NR3C2: variants seen among roughly 807,000 people sequenced by gnomAD.
The protein encoded by NR3C2 is nuclear receptor subfamily 3 group C member 2.
Under a neutral mutation model 86.4 loss-of-function variants are expected in NR3C2, and 15 were observed. The ratio of observed to expected loss-of-function variants is 0.17; its 90% CI spans 0.12 to 0.27. The LOEUF (loss-of-function observed/expected upper bound fraction) is 0.27. Among genes scored for constraint, NR3C2 ranks in the 10% least tolerant of loss-of-function variants. The pLI, the probability that NR3C2 is intolerant of heterozygous loss-of-function variation, is 1.00. For missense variants in NR3C2, 960 were observed against 1,195.6 expected, an observed-to-expected ratio of 0.80 and a Z score of 2.91; for synonymous variants, 458 against 450.5, an observed-to-expected ratio of 1.02 and a Z score of -0.21.
intron 2 of NR3C2, among the ~76,000 whole-genome samples, chr4:148,407,642 C>T (rs553630310): frequency 1.3e-5 from 2 of 151,744 alleles, no homozygotes; most frequent in East Asian, 2.0e-4. Context: ...AGCATACGCA[C>T]ATAATGAATC....
chr4:148,294,350 A>G (rs1033924058), intron 2 of NR3C2, among the ~76,000 whole-genome samples: 4 of 152,186 alleles, frequency 2.6e-5, no homozygotes, highest in African/African-American at 9.6e-5. Context: ...CAAGTACTAC[A>G]TGGTAGTTCC....
intron 8 of NR3C2, among the ~76,000 whole-genome samples, chr4:148,105,363 C>G (rs1461668490): frequency 6.6e-6 from 1 of 152,160 alleles, no homozygotes; most frequent in African/African-American, 2.4e-5. Context: ...ATAACTAGTT[C>G]TGAAATTGAG....
intron 2 of NR3C2, among the ~76,000 whole-genome samples, chr4:148,371,091 T>C (rs1746393805): frequency 6.6e-6 from 1 of 152,194 alleles, no homozygotes; most frequent in Admixed American, 6.5e-5. Context: ...TTATGGGTTA[T>C]ACGAGTTACT....
intron 2 of NR3C2, among the ~76,000 whole-genome samples, chr4:148,389,837 T>C (rs1747450892): frequency 6.6e-6 from 1 of 151,956 alleles, no homozygotes; most frequent in Admixed American, 6.6e-5. Flanking sequence ...GACAAAAATA[T>C]TAATACTAAA....
intron 3 of NR3C2, among the ~76,000 whole-genome samples, chr4:148,239,186 G>C: frequency 6.6e-6 from 1 of 152,112 alleles, no homozygotes; most frequent in South Asian, 2.1e-4. Context: ...GTGAATGCTG[G>C]GTGGGCTCAT....
chr4:148,159,988 T>TATATGTGTGTGTGC (rs1298572159), intron 4 of NR3C2, among the ~76,000 whole-genome samples: 13 of 152,186 alleles, frequency 8.5e-5, no homozygotes, highest in Non-Finnish European at 1.6e-4. Flanking sequence ...GCTGTGTGTG[T>TATATGTGTGTGTGC]ATCTGTGTGT....
intron 3 of NR3C2, among the ~76,000 whole-genome samples, chr4:148,254,526 C>T (rs531107846): frequency 6.6e-6 from 1 of 152,194 alleles, no homozygotes; most frequent in African/African-American, 2.4e-5. Flanking sequence ...GTTCCCATAA[C>T]AACCAACTGA....
chr4:148,286,228 A>G (rs1035318251), intron 2 of NR3C2, among the ~76,000 whole-genome samples: 2 of 152,244 alleles, frequency 1.3e-5, no homozygotes, highest in African/African-American at 4.8e-5. Context: ...CCCACTGATA[A>G]GAGTAACAGA....
intron 2 of NR3C2, among the ~76,000 whole-genome samples, chr4:148,292,160 C>G (rs1741827738): frequency 1.3e-5 from 2 of 151,018 alleles, no homozygotes; most frequent in Middle Eastern, 3.4e-3. Flanking sequence ...CCTATTATGT[C>G]TTTTTTTTAT....
At chr4:148,271,677 G>A (rs999678790) in intron 2 of NR3C2, among the ~76,000 whole-genome samples, 3 of 151,716 alleles carry the variant, frequency 2.0e-5, no homozygotes, top group Non-Finnish European at 4.4e-5. Flanking sequence ...CCACCTGCCC[G>A]CATCCTCCTC....
In NR3C2 at chr4:148,435,196, A is replaced by C. The variant is rs758186777; in HGVS notation, c.1665T>G (p.Thr555=). ...CGTGTGATTTCCATGACTCCACTAA[A>C]GTATTGACAGGAGGAAAGGAACTCA... ...QHLSSFPPVN[T]LVESWKSHGD... The change falls in exon 2 of 9, where the codon ACT becomes ACG. Residue 555 remains threonine (T), a synonymous_variant. Coordinates refer to ENST00000358102, the MANE Select transcript of NR3C2 (RefSeq NM_000901.5). 3 of 1,614,074 alleles carry C rather than the reference A, an allele frequency of 1.9e-6. No homozygotes were observed. Among genetic ancestry groups the C allele is most frequent in the Non-Finnish European group, 2.5e-6 (3 of 1,180,032 alleles).
rs56260605 is a variant in NR3C2, at chr4:148,183,896, T to C, written c.2014+10850A>G. Reference sequence around the variant, plus strand: ...CCTAATAATTTCTTACTATTATTGCTAAACCAGTAATGCTCCATGGCCCCA... The same window carrying C: ...CCTAATAATTTCTTACTATTATTGCCAAACCAGTAATGCTCCATGGCCCCA... On this transcript the variant is annotated intron_variant, in intron 4 of 8. Transcript: ENST00000358102. 6.4e-3 allele frequency among the ~76,000 whole-genome samples: 978 copies of C among 152,252 alleles called. 11 individuals carry two copies. Among genetic ancestry groups the C allele is most frequent in the African/African-American group, 0.022 (931 of 41,542 alleles).
Position 148,321,283 on chromosome 4 carries a change from G to A in NR3C2, c.1758-61166C>T, listed in dbSNP as rs1172475555. On this transcript the variant is annotated intron_variant, in intron 2 of 8. Transcript: ENST00000358102. ...TCTGTTCTTTTACATTTGCTGAGGA[G>A]AGCTTTACTTCCAACTATGTGGTCA... 2.2e-4 allele frequency among the ~76,000 whole-genome samples: 32 copies of A among 147,944 alleles called. No homozygotes were observed. The East Asian group carries it at 5.0e-3, about 23-fold the overall frequency.
chr4:148,082,967 C>G (rs1055818013), intron 8 of NR3C2, among the ~76,000 whole-genome samples: 12 of 152,200 alleles, frequency 7.9e-5, no homozygotes, highest in African/African-American at 2.4e-4. Flanking sequence ...CCGGGAAGTT[C>G]CAAGTGGGTA....
chr4:148,264,904 A>AAT (rs1410194302), intron 2 of NR3C2, among the ~76,000 whole-genome samples: 1 of 152,180 alleles, frequency 6.6e-6, no homozygotes, highest in Non-Finnish European at 1.5e-5. Context: ...ACATTGATAT[A>AAT]ATATCTGTGC....
intron 7 of NR3C2, among the ~76,000 whole-genome samples, chr4:148,117,533 C>G (rs967403999): frequency 6.6e-6 from 1 of 152,056 alleles, no homozygotes; most frequent in Non-Finnish European, 1.5e-5. Context: ...ATCACACTTA[C>G]GTGCCTCCGT....
chr4:148,146,831 C>T (rs1163150546), intron 6 of NR3C2: 1 of 152,088 alleles, frequency 6.6e-6, no homozygotes, highest in Non-Finnish European at 1.5e-5. Context: ...TTTTACTAGG[C>T]TACTACTTGA....
At chr4:148,395,263 A>G (rs1044898379) in intron 2 of NR3C2, among the ~76,000 whole-genome samples, 14 of 152,222 alleles carry the variant, frequency 9.2e-5, no homozygotes, top group Admixed American at 9.2e-4. Context: ...AGAACATACA[A>G]CTTCAAAGAA....
At chr4:148,083,798 C>T (rs1730688034) in intron 8 of NR3C2, among the ~76,000 whole-genome samples, 1 of 152,084 alleles carries the variant, frequency 6.6e-6, no homozygotes, top group Admixed American at 6.5e-5. Flanking sequence ...GAATTGTTAA[C>T]TAGAATAACC....
Sources: gnomAD v4.1 joint callset for allele counts (sites outside exome capture counted in the v4.1 genomes callset) on GRCh38, gnomAD v4.1.1 for gene constraint, MANE v1.5 for transcripts, NCBI Gene and HGNC (gene_info 2026-07-23, HGNC 2026-07-21) for gene names.